TOM1L2: variants seen among roughly 807,000 people sequenced by gnomAD.
TOM1L2 encodes the protein target of myb1 like 2 membrane trafficking protein, also known as TOM1-like protein 2.
TOM1L2 carries 31 observed loss-of-function variants against 67.9 expected under a neutral mutation model. The ratio of observed to expected loss-of-function variants is 0.46; its 90% CI spans 0.34 to 0.62. TOM1L2 has a LOEUF of 0.62. Ranked by LOEUF, TOM1L2 falls within the 20% of genes least tolerant of loss-of-function variation. TOM1L2 has a pLI of 0.01. For synonymous variants in TOM1L2, 256 were observed against 254.0 expected (o/e 1.01, Z -0.07); for missense variants, 606 against 663.5 (o/e 0.91, Z 0.95).
rs185503737 is a variant in TOM1L2, at chr17:17,935,403, T to G, written c.53-27872A>C. ...GTTGTTAAGAACTCCTTGATTTAAA[T>G]TGGGCTTGCTGCATTCTGAACCTCT... On this transcript the variant is annotated intron_variant, in intron 1 of 14. Transcript: ENST00000379504. Among the ~76,000 whole-genome samples the G allele has an allele frequency of 4.6e-5, 7 of 152,344 alleles. No individual in the cohort carries two copies. In the South Asian group the frequency reaches 1.4e-3, roughly 32 times the overall value.
chr17:17,902,902 T>TATAAGTGAG (rs1177612538), intron 2 of TOM1L2, among the ~76,000 whole-genome samples: 1 of 152,206 alleles, frequency 6.6e-6, no homozygotes, highest in Admixed American at 6.5e-5. Context: ...AACCCCATTT[T>TATAAGTGAG]ATAAGTGAGG....
At chr17:17,894,192 T>C (rs1234531662) in intron 3 of TOM1L2, among the ~76,000 whole-genome samples, 1 of 152,190 alleles carries the variant, frequency 6.6e-6, no homozygotes, top group Non-Finnish European at 1.5e-5. Context: ...CAATCGGACA[T>C]GGGCTCTGTC....
intron 1 of TOM1L2, among the ~76,000 whole-genome samples, chr17:17,910,284 T>C (rs1434368583): frequency 6.6e-6 from 1 of 152,202 alleles, no homozygotes; most frequent in East Asian, 1.9e-4. Flanking sequence ...CCAGGGTCAC[T>C]TGACTCCCTT....
At chr17:17,899,948 CA>C (rs34685563) in intron 2 of TOM1L2, among the ~76,000 whole-genome samples, 78,032 of 152,050 alleles carry the variant, frequency 0.51, 21,077 homozygotes, top group Non-Finnish European at 0.61. Flanking sequence ...TGGTGGCTCA[CA>C]GTCTGTAATC....
rs188820433 is a variant in TOM1L2, at chr17:17,862,998, A to C, written c.1085-150T>G. On this transcript the variant is annotated intron_variant, in intron 10 of 14. Coordinates refer to ENST00000379504, the MANE Select transcript of TOM1L2 (RefSeq NM_001082968.2). Reference sequence around the variant, plus strand: ...CTTTCCTTGGTACTCCCAGTGCACCACATGCCGGAGGAGCCAGGGCGGGCC... The same window carrying C: ...CTTTCCTTGGTACTCCCAGTGCACCCCATGCCGGAGGAGCCAGGGCGGGCC... 1.3e-4 allele frequency: 83 copies of C among 654,720 alleles called. No individual in the cohort carries two copies. In the Middle Eastern group the frequency reaches 2.9e-3, roughly 23 times the overall value. The allele number at this position is 654,720 out of a possible 1,614,324, so 40.6% of individuals were successfully genotyped here.
intron 1 of TOM1L2, among the ~76,000 whole-genome samples, chr17:17,959,752 TGAAA>T (rs988110208): frequency 1.3e-5 from 2 of 152,196 alleles, no homozygotes; most frequent in African/African-American, 4.8e-5. Flanking sequence ...TTCTCTGAGA[TGAAA>T]GAATCAGTCT....
At chr17:17,918,212 G>A (rs1392953022) in intron 1 of TOM1L2, among the ~76,000 whole-genome samples, 1 of 151,400 alleles carries the variant, frequency 6.6e-6, no homozygotes, top group East Asian at 1.9e-4. Context: ...GTATCCTGCA[G>A]CTTTGGTAAA....
chr17:17,884,862 T>C (rs750220704), intron 4 of TOM1L2, 94 bp from the exon 5 acceptor site: 1 of 1,528,134 alleles, frequency 6.5e-7, no homozygotes, highest in Non-Finnish European at 8.9e-7. Flanking sequence ...CCGAGACCAG[T>C]GCTCTCCTAC....
At chr17:17,873,669 G>GC (rs1225137848) in intron 7 of TOM1L2, among the ~76,000 whole-genome samples, 1 of 152,248 alleles carries the variant, frequency 6.6e-6, no homozygotes, top group Non-Finnish European at 1.5e-5. Context: ...CCTAGCCCCA[G>GC]CTGGGTGCTG....
At chr17:17,857,089 G>A (rs889889873) in intron 12 of TOM1L2, among the ~76,000 whole-genome samples, 1 of 152,106 alleles carries the variant, frequency 6.6e-6, no homozygotes, top group Non-Finnish European at 1.5e-5. Flanking sequence ...CAAGTAGTTG[G>A]GATTACAGGC....
At chr17:17,951,924 T>G (rs1461363368) in intron 1 of TOM1L2, among the ~76,000 whole-genome samples, 1 of 152,204 alleles carries the variant, frequency 6.6e-6, no homozygotes, top group Non-Finnish European at 1.5e-5. Flanking sequence ...CGGGCTCTGT[T>G]GGTGAGGGGC....
intron 1 of TOM1L2, among the ~76,000 whole-genome samples, chr17:17,959,824 C>T (rs1221310349): frequency 6.6e-6 from 1 of 152,148 alleles, no homozygotes; most frequent in Non-Finnish European, 1.5e-5. Flanking sequence ...GACATGCCTC[C>T]CAGACTACAA....
chr17:17,951,862 T>C (rs578048543), intron 1 of TOM1L2, among the ~76,000 whole-genome samples: 1 of 152,276 alleles, frequency 6.6e-6, no homozygotes, highest in Admixed American at 6.5e-5. Context: ...CTCAGATGTG[T>C]AGAAATTAAA....
intron 1 of TOM1L2, among the ~76,000 whole-genome samples, chr17:17,952,389 T>TC (rs2041245463): frequency 2.4e-5 from 3 of 127,128 alleles, no homozygotes; most frequent in Admixed American, 7.7e-5. Context: ...TTTTTTTTTT[T>TC]TTTTTTTTTT....
intron 4 of TOM1L2, among the ~76,000 whole-genome samples, chr17:17,893,162 G>A (rs2038380740): frequency 6.6e-6 from 1 of 152,298 alleles, no homozygotes. Flanking sequence ...CTTTGCACAT[G>A]CTATTCTCCC....
chr17:17,905,667 G>C (rs1034154825), intron 2 of TOM1L2, among the ~76,000 whole-genome samples: 2 of 152,164 alleles, frequency 1.3e-5, no homozygotes, highest in Admixed American at 6.5e-5. Flanking sequence ...GCCTCGTACA[G>C]TGCTGGGATT....
Position 17,906,132 on chromosome 17 carries a change from A to AT in TOM1L2, c.137+1314dup, listed in dbSNP as rs903080193. Among the ~76,000 whole-genome samples the AT allele has an allele frequency of 4.2e-3, 145 of 34,726 alleles. 1 individual carries two copies. In the South Asian group the frequency reaches 0.055, roughly 13 times the overall value. 22.8% of individuals were successfully genotyped at this position (34,726 alleles called of 152,430 possible). ...TTCTGTTGTTTTGTCTTCTCTTTTC[A>AT]TTTTTTTTTTTTTTGAGACAGGGTT... is the stretch of plus-strand genomic sequence containing the variant. On this transcript the variant is annotated intron_variant, in intron 2 of 14. Coordinates refer to ENST00000379504, the MANE Select transcript of TOM1L2 (RefSeq NM_001082968.2).
intron 1 of TOM1L2, among the ~76,000 whole-genome samples, chr17:17,944,120 A>G (rs2040845010): frequency 6.6e-6 from 1 of 152,234 alleles, no homozygotes. Context: ...AAGGTGATCA[A>G]TACAAGGTGC....
chr17:17,956,689 G>A (rs113763559), intron 1 of TOM1L2, among the ~76,000 whole-genome samples: 3,184 of 152,312 alleles, frequency 0.021, 50 homozygotes, highest in Non-Finnish European at 0.033. Flanking sequence ...CTGGCGGGCC[G>A]GCACTGCTGG....
Sources: gnomAD v4.1 joint callset for allele counts (sites outside exome capture counted in the v4.1 genomes callset) on GRCh38, gnomAD v4.1.1 for gene constraint, MANE v1.5 for transcripts, NCBI Gene and HGNC (gene_info 2026-07-23, HGNC 2026-07-21) for gene names.